FREM3: variants seen among roughly 807,000 people sequenced by gnomAD.
FREM3 encodes the protein FRAS1 related extracellular matrix 3.
A neutral mutation model predicts 129.1 loss-of-function variants in FREM3; 105 were observed. The observed-to-expected ratio is 0.81, with a 90% confidence interval of 0.69 to 0.96. The LOEUF (loss-of-function observed/expected upper bound fraction) is 0.96. Ranked by LOEUF, FREM3 falls within the 40% of genes least tolerant of loss-of-function variation. The pLI is 0.00. For missense variants in FREM3, 2,593 were observed against 2,666.3 expected (o/e 0.97, Z 0.61); for synonymous variants, 1,014 against 1,044.9 (o/e 0.97, Z 0.57).
chr4:143,584,210 C>G (rs1291979459), intron 7 of FREM3, among the ~76,000 whole-genome samples: 1 of 151,902 alleles, frequency 6.6e-6, no homozygotes, highest in Admixed American at 6.6e-5. Flanking sequence ...GAGATCGAGA[C>G]CATCCTGGCT....
At chr4:143,686,266 G>T (rs1031024779) in intron 2 of FREM3, among the ~76,000 whole-genome samples, 4 of 152,114 alleles carry the variant, frequency 2.6e-5, no homozygotes, top group African/African-American at 9.7e-5. Context: ...TTGTCCAACA[G>T]GAAAATATCA....
chr4:143,596,990 A>G (rs1355706393), intron 6 of FREM3, among the ~76,000 whole-genome samples: 1 of 152,122 alleles, frequency 6.6e-6, no homozygotes, highest in African/African-American at 2.4e-5. Flanking sequence ...AGTCTTAAGC[A>G]TACAGATTGG....
chr4:143,580,862 T>C (rs1387578669), intron 7 of FREM3, among the ~76,000 whole-genome samples: 1 of 152,106 alleles, frequency 6.6e-6, no homozygotes, highest in Non-Finnish European at 1.5e-5. Flanking sequence ...AGCTGCCTTA[T>C]GGAGAAATAG....
chr4:143,676,446 G>A (rs1356530499), intron 2 of FREM3, among the ~76,000 whole-genome samples: 1 of 152,100 alleles, frequency 6.6e-6, no homozygotes, highest in African/African-American at 2.4e-5. Context: ...TACTGAATGG[G>A]CAAAAACTGG....
At chr4:143,595,684 A>AGACTG (rs1738462062) in intron 6 of FREM3, among the ~76,000 whole-genome samples, 1 of 152,064 alleles carries the variant, frequency 6.6e-6, no homozygotes, top group Non-Finnish European at 1.5e-5. Flanking sequence ...TCTGCAGATC[A>AGACTG]AGACCATCCT....
intron 2 of FREM3, among the ~76,000 whole-genome samples, chr4:143,663,467 G>A (rs1297464515): frequency 2.6e-5 from 4 of 152,112 alleles, no homozygotes; most frequent in African/African-American, 2.4e-5. Context: ...TTAGTCGGAT[G>A]TGCTTCCCTT....
intron 2 of FREM3, among the ~76,000 whole-genome samples, chr4:143,633,745 G>A (rs538442379): frequency 6.6e-6 from 1 of 152,286 alleles, no homozygotes; most frequent in Admixed American, 6.5e-5. Flanking sequence ...ATTACATACA[G>A]AGAACTGATT....
At chr4:143,666,405 AATC>A (rs1739861182) in intron 2 of FREM3, among the ~76,000 whole-genome samples, 1 of 152,150 alleles carries the variant, frequency 6.6e-6, no homozygotes, top group African/African-American at 2.4e-5. Flanking sequence ...AGGGAACTGA[AATC>A]AGAGACTCAA....
intron 2 of FREM3, among the ~76,000 whole-genome samples, chr4:143,668,229 C>G (rs922061482): frequency 6.6e-6 from 1 of 152,074 alleles, no homozygotes; most frequent in South Asian, 2.1e-4. Context: ...GCTTATTCTA[C>G]AAGCTGGGTC....
At chr4:143,623,616 G>C (rs1738993628) in intron 4 of FREM3, among the ~76,000 whole-genome samples, 2 of 149,268 alleles carry the variant, frequency 1.3e-5, no homozygotes, top group South Asian at 4.2e-4. Flanking sequence ...CTTGCTGAAA[G>C]AATGAATACA....
intron 2 of FREM3, among the ~76,000 whole-genome samples, chr4:143,668,680 G>A (rs1041918031): frequency 6.6e-6 from 1 of 152,156 alleles, no homozygotes; most frequent in African/African-American, 2.4e-5. Context: ...TTACTATATG[G>A]TCTTCTAATG....
intron 7 of FREM3, among the ~76,000 whole-genome samples, chr4:143,580,459 G>A (rs971685226): frequency 2.0e-5 from 3 of 152,168 alleles, no homozygotes; most frequent in African/African-American, 7.2e-5. Flanking sequence ...CAGACACAGG[G>A]AACTGTGTGG....
At chr4:143,632,854 C>T (rs34467213) in intron 2 of FREM3, among the ~76,000 whole-genome samples, 41,020 of 152,074 alleles carry the variant, frequency 0.27, 6,649 homozygotes, top group Middle Eastern at 0.39. Context: ...AGAAAGTTTA[C>T]GAATTTGTGT....
At chr4:143,634,917 G>A (rs1336014411) in intron 2 of FREM3, among the ~76,000 whole-genome samples, 2 of 152,084 alleles carry the variant, frequency 1.3e-5, no homozygotes, top group African/African-American at 4.8e-5. Flanking sequence ...CCTTAGCTAT[G>A]CCCCCACAGG....
intron 2 of FREM3, among the ~76,000 whole-genome samples, chr4:143,643,511 A>C (rs973027283): frequency 5.3e-5 from 8 of 152,180 alleles, no homozygotes; most frequent in African/African-American, 9.6e-5. Context: ...TGTTTACAAC[A>C]ACATGAATGA....
rs72125581 is a variant in FREM3 at position 143,632,810 on chromosome 4, T to TAA, written c.5276-5052_5276-5051dup. 1.1e-3 allele frequency among the ~76,000 whole-genome samples: 162 copies of TAA among 150,050 alleles called. 1 individual carries two copies. The highest frequency in any genetic ancestry group is 3.8e-3 in the African/African-American group (157 of 40,998). ...CACTACATAACAATAGTTGATGAGC[T>TAA]AAAAAAAAAATCCAAAAACCTCATA... On this transcript the variant is annotated intron_variant, in intron 2 of 7. Transcript: ENST00000329798.
intron 2 of FREM3, among the ~76,000 whole-genome samples, chr4:143,665,240 C>T (rs888156470): frequency 4.6e-5 from 7 of 151,996 alleles, no homozygotes; most frequent in South Asian, 2.1e-4. Context: ...GGCTCCTCCC[C>T]GATTATTGGT....
chr4:143,631,658 T>C (rs1739143204), intron 2 of FREM3, among the ~76,000 whole-genome samples: 1 of 152,008 alleles, frequency 6.6e-6, no homozygotes, highest in South Asian at 2.1e-4. Flanking sequence ...TGGATAGAAA[T>C]GAATGGAGCA....
chr4:143,696,468 AC>A lies in FREM3; in HGVS notation c.4207del (p.Val1403LeufsTer8). 1 of 1,537,748 alleles carries A rather than the reference AC, an allele frequency of 6.5e-7. No individual in the cohort carries two copies. The highest frequency in any genetic ancestry group is 1.2e-5 in the South Asian group (1 of 84,050). On this transcript the variant is annotated frameshift_variant, in exon 1 of 8. Transcript: ENST00000329798. LOFTEE classifies it high-confidence loss of function. ...EGIVDIIKFD[V>X]TDGVNTLTDH... Reference sequence around the variant, plus strand: ...TGTCAAAGTGTTAACCCCATCAGTAACATCAAACTTGATAATGTCAACAATC... The same window carrying A: ...TGTCAAAGTGTTAACCCCATCAGTAAATCAAACTTGATAATGTCAACAATC...
Sources: allele counts gnomAD v4.1 joint callset (sites outside exome capture counted in the v4.1 genomes callset), GRCh38; gene constraint gnomAD v4.1.1; transcripts MANE v1.5; gene names NCBI Gene and HGNC (gene_info 2026-07-23, HGNC 2026-07-21).